NUP50: variants seen among roughly 807,000 people sequenced by gnomAD.
NUP50 encodes the protein nucleoporin 50, also known as nuclear pore complex protein Nup50.
NUP50 carries 14 observed loss-of-function variants against 36.8 expected under a neutral mutation model. The observed-to-expected ratio is 0.38, with a 90% CI of 0.25 to 0.59. The LOEUF (loss-of-function observed/expected upper bound fraction) is 0.59. Among genes scored for constraint, NUP50 ranks in the 20% least tolerant of loss-of-function variants. NUP50 has a pLI of 0.63. For missense variants in NUP50, 455 were observed against 564.6 expected (o/e 0.81, Z 1.97); for synonymous variants, 195 against 210.8 (o/e 0.93, Z 0.65).
intron 6 of NUP50, among the ~76,000 whole-genome samples, chr22:45,182,357 C>G (rs1368392265): frequency 6.6e-6 from 1 of 152,098 alleles, no homozygotes; most frequent in African/African-American, 2.4e-5. Context: ...ATGAGAATTG[C>G]TTGAACCCTG....
chr22:45,168,627 C>A (rs1004468111), intron 2 of NUP50, among the ~76,000 whole-genome samples: 3 of 152,180 alleles, frequency 2.0e-5, no homozygotes, highest in African/African-American at 7.2e-5. Flanking sequence ...ATGAACTTAG[C>A]ACACTGCCCA....
At chr22:45,178,926 C>T (rs200700488) in intron 5 of NUP50, 26 bp downstream of exon 5, 5 of 1,575,980 alleles carry the variant, frequency 3.2e-6, no homozygotes, top group Non-Finnish European at 3.4e-6. Flanking sequence ...GTCGTTGAGT[C>T]GAGGTTTGCA....
At position 45,164,193 on chromosome 22, in the gene NUP50, G is replaced by C. The variant is rs2074056796; in HGVS notation, c.-114G>C. On this transcript the variant is annotated 5_prime_UTR_variant, in exon 1 of 8. Coordinates refer to ENST00000347635, the MANE Select transcript of NUP50 (RefSeq NM_007172.4). ...AGCGCAGCACCGGAAGCGGCCGAGCGCGCTCAGCCCGGCGACCCCTGCGGG... is the reference window on the plus strand; with the variant it reads ...AGCGCAGCACCGGAAGCGGCCGAGCCCGCTCAGCCCGGCGACCCCTGCGGG... 6.6e-6 allele frequency: 1 copy of C among 152,274 alleles called. No homozygotes were observed. The highest frequency in any genetic ancestry group is 6.5e-5 in the Admixed American group (1 of 15,284). 9.4% of individuals were successfully genotyped at this position (152,274 alleles called of 1,614,324 possible).
At chr22:45,182,175 TCATGCCTGTAATCCCAGCACTTTG>T (rs2074383660) in intron 6 of NUP50, among the ~76,000 whole-genome samples, 1 of 151,984 alleles carries the variant, frequency 6.6e-6, no homozygotes. Context: ...GCATGGTGGC[TCATGCCTGTAATCCCAGCACTTTG>T]GGAGGCTGAG....
chr22:45,182,912 C>T (rs536176524), intron 6 of NUP50, among the ~76,000 whole-genome samples: 47 of 151,638 alleles, frequency 3.1e-4, no homozygotes, highest in Admixed American at 9.2e-4. Context: ...CGTGAGCCAC[C>T]GCACCTGGTC....
chr22:45,175,004 CAT>C (rs766494594), intron 3 of NUP50, among the ~76,000 whole-genome samples: 5 of 151,162 alleles, frequency 3.3e-5, no homozygotes, highest in Non-Finnish European at 4.4e-5. Context: ...ATAATTCACT[CAT>C]GTGGAAACTT....
chr22:45,174,816 C>G (rs1001151508), intron 3 of NUP50, among the ~76,000 whole-genome samples: 5 of 152,184 alleles, frequency 3.3e-5, no homozygotes, highest in African/African-American at 1.2e-4. Context: ...ATTTTCCATT[C>G]TTTGCCTCAT....
intron 1 of NUP50, among the ~76,000 whole-genome samples, chr22:45,167,455 C>T (rs947628209): frequency 2.6e-5 from 4 of 152,202 alleles, no homozygotes; most frequent in African/African-American, 7.2e-5. Context: ...GAGTTCACGC[C>T]GTTCCCCAAC....
rs550478534 is a variant in NUP50, at chr22:45,182,623, G to GTTTTTTT, written c.1086-766_1086-760dup. Among the ~76,000 whole-genome samples, 663 of 95,878 alleles carry GTTTTTTT rather than the reference G, an allele frequency of 6.9e-3. 61 individuals are homozygous for GTTTTTTT. Among genetic ancestry groups the GTTTTTTT allele is most frequent in the African/African-American group, 0.013 (308 of 23,630 alleles). The allele number at this position is 95,878 out of a possible 152,430, so 62.9% of individuals were successfully genotyped here. Reference sequence around the variant, plus strand: ...AAAAACTGAAAGAGCCTTGAGGTTTGTTTTTTTTTTTTTTTTTTTGAGACG... The same window carrying GTTTTTTT: ...AAAAACTGAAAGAGCCTTGAGGTTTGTTTTTTTTTTTTTTTTTTTTTTTTTTGAGACG... On this transcript the variant is annotated intron_variant, in intron 6 of 7. Coordinates refer to ENST00000347635, the MANE Select transcript of NUP50 (RefSeq NM_007172.4).
At chr22:45,183,847 CTGCT>C (rs1317544944) in intron 7 of NUP50, 2 of 279,638 alleles carry the variant, frequency 7.2e-6, no homozygotes, top group Non-Finnish European at 1.4e-5. Context: ...TAATGACTAA[CTGCT>C]TGCTGTCCAT....
intron 5 of NUP50, chr22:45,180,082 T>C (rs779400019): frequency 1.3e-5 from 2 of 152,220 alleles, no homozygotes; most frequent in Non-Finnish European, 2.9e-5. Flanking sequence ...GTCTCCCCTT[T>C]TCTTTCTTCT....
At chr22:45,164,466 G>C (rs1336239385) in intron 1 of NUP50, 170 bp downstream of exon 1, 1 of 153,136 alleles carries the variant, frequency 6.5e-6, no homozygotes, top group African/African-American at 2.4e-5. Context: ...GCCGGGGGAC[G>C]GGCCCCTGGG....
intron 1 of NUP50, chr22:45,164,940 C>T (rs183567446): frequency 6.6e-6 from 1 of 152,254 alleles, no homozygotes; most frequent in Admixed American, 6.5e-5. Flanking sequence ...CCATTAAGAA[C>T]CAGCTTGGAG....
At position 45,184,801 on chromosome 22, in the gene NUP50, T is replaced by A. The variant is rs983513937; in HGVS notation, c.*146T>A. ...TTGTGAGGAAGATTAATGTGGCCAA[T>A]AAAACCTTTAAATGTTAAGTGTCAA... On this transcript the variant is annotated 3_prime_UTR_variant, in exon 8 of 8. Transcript: ENST00000347635. The A allele has an allele frequency of 1.5e-5, 10 of 645,366 alleles. No individual in the cohort carries two copies. Among genetic ancestry groups the A allele is most frequent in the African/African-American group, 3.7e-5 (2 of 54,496 alleles). The allele number at this position is 645,366 out of a possible 1,614,324, so 40.0% of individuals were successfully genotyped here.
In NUP50 at chr22:45,181,370, A is replaced by G; in HGVS notation, c.1085+3A>G. On this transcript the variant is annotated splice_donor_region_variant and intron_variant, in intron 6 of 7. Transcript: ENST00000347635. ...GAAGATGCTTTTTACTCCAAAAAGT[A>G]AGAATCCCCACAACCTGCTGGCGCA... 6.3e-7 allele frequency: 1 copy of G among 1,577,058 alleles called. No homozygotes were observed. The highest frequency in any genetic ancestry group is 8.6e-7 in the Non-Finnish European group (1 of 1,165,042).
chr22:45,184,268 G>A, intron 7 of NUP50, 185 bp from the exon 8 acceptor site: 1 of 611,878 alleles, frequency 1.6e-6, no homozygotes, highest in Non-Finnish European at 2.9e-6. Flanking sequence ...TCCTCACAGT[G>A]AGGGCAAGTG....
Position 45,174,758 on chromosome 22 carries a change from G to C in NUP50, c.154-1136G>C, listed in dbSNP as rs559359114. On this transcript the variant is annotated intron_variant, in intron 3 of 7. Transcript: ENST00000347635. ...ATGAAAAATCAAATGTAGAGCAACA[G>C]AATCTAAGCTCTGTTTATTATGTGC... Among the ~76,000 whole-genome samples the C allele has an allele frequency of 3.3e-5, 5 of 152,302 alleles. No individual in the cohort carries two copies. The South Asian group carries it at 1.0e-3, about 32-fold the overall frequency.
chr22:45,173,566 A>G (rs1419025858), intron 3 of NUP50, among the ~76,000 whole-genome samples: 1 of 152,182 alleles, frequency 6.6e-6, no homozygotes, highest in African/African-American at 2.4e-5. Context: ...TAGGTATACA[A>G]CAGGAATTAT....
chr22:45,184,186 C>T (rs1020554140), intron 7 of NUP50: 77 of 474,006 alleles, frequency 1.6e-4, no homozygotes, highest in Non-Finnish European at 2.7e-4. Context: ...CGGTTCTGAG[C>T]GAGGCTGCTG....
Sources: gnomAD v4.1 joint callset for allele counts (sites outside exome capture counted in the v4.1 genomes callset) on GRCh38, gnomAD v4.1.1 for gene constraint, MANE v1.5 for transcripts, NCBI Gene and HGNC (gene_info 2026-07-23, HGNC 2026-07-21) for gene names.